KHDC4: variants seen among roughly 807,000 people sequenced by gnomAD.
KHDC4 encodes KH domain containing 4, pre-mRNA splicing factor, also known as KH homology domain-containing protein 4.
A neutral mutation model predicts 74.5 loss-of-function variants in KHDC4; 19 were observed. That is an observed-to-expected ratio of 0.26 (90% CI 0.18 to 0.37). The LOEUF is 0.37. Among genes scored for constraint, KHDC4 ranks in the 10% least tolerant of loss-of-function variants. The probability of loss-of-function intolerance (pLI) is 1.00; values close to 1 mark genes in which losing one functional copy is unlikely to be tolerated. For missense variants in KHDC4, 632 were observed against 754.1 expected, an observed-to-expected ratio of 0.84 and a Z score of 1.90; for synonymous variants, 253 against 266.1, an observed-to-expected ratio of 0.95 and a Z score of 0.48.
chr1:155,931,279 G>C (rs1674135176), intron 2 of KHDC4, among the ~76,000 whole-genome samples: 1 of 109,054 alleles, frequency 9.2e-6, no homozygotes, highest in Non-Finnish European at 1.8e-5. Context: ...AACAAAGCAA[G>C]ACTCTATCAC....
chr1:155,921,027 G>C (rs1258218471), intron 10 of KHDC4, among the ~76,000 whole-genome samples: 1 of 152,088 alleles, frequency 6.6e-6, no homozygotes, highest in Non-Finnish European at 1.5e-5. Context: ...ATTATCCACG[G>C]GCTGCTTCTG....
In KHDC4 at chr1:155,917,625, G is replaced by A; in HGVS notation, c.1314C>T (p.Ala438=). The change falls in exon 11 of 14, where the codon GCC becomes GCT. Residue 438 remains alanine, a synonymous_variant. Coordinates refer to ENST00000368321, the MANE Select transcript of KHDC4 (RefSeq NM_014949.4). ...PFIPAAPVKT[A]LPAGPQPQPQ... is the part of the protein sequence containing the mutation. Reference sequence around the variant, plus strand: ...GCTGGGGCTGGGGGCCAGCAGGCAAGGCAGTTTTGACAGGAGCAGCAGGAA... The same window carrying A: ...GCTGGGGCTGGGGGCCAGCAGGCAAAGCAGTTTTGACAGGAGCAGCAGGAA... 6.2e-7 allele frequency: 1 copy of A among 1,602,670 alleles called. No homozygotes were observed. Among genetic ancestry groups the A allele is most frequent in the South Asian group, 1.1e-5 (1 of 90,252 alleles).
At chr1:155,929,479 G>A in intron 3 of KHDC4, 104 bp from the exon 4 acceptor site, 5 of 1,108,650 alleles carry the variant, frequency 4.5e-6, no homozygotes, top group Non-Finnish European at 6.7e-6. Flanking sequence ...AAGAAGGAAA[G>A]AATTCTCTCC....
intron 10 of KHDC4, chr1:155,919,938 C>T (rs778682155): frequency 2.0e-6 from 1 of 510,852 alleles, no homozygotes; most frequent in Admixed American, 2.0e-5. Context: ...GTGCTCACAG[C>T]CCACAGGTAA....
In KHDC4 at chr1:155,929,869, G is replaced by GT. The variant is rs576860637; in HGVS notation, c.256-30dup. On this transcript the variant is annotated intron_variant, in intron 2 of 13. Coordinates refer to ENST00000368321, the MANE Select transcript of KHDC4 (RefSeq NM_014949.4). ...GAAAAAAGAGAAATTAGATTAAAAA[G>GT]TTTTTATGATGAGATAAAGTCTATT... The GT allele has an allele frequency of 5.5e-5, 82 of 1,499,102 alleles. 1 individual carries two copies. The highest frequency in any genetic ancestry group is 7.0e-5 in the Non-Finnish European group (78 of 1,120,930). 92.9% of individuals were successfully genotyped at this position (1,499,102 alleles called of 1,614,324 possible). A position where few individuals can be genotyped will look rare whatever the true frequency, so the allele number is the denominator to read the frequency against.
intron 4 of KHDC4, among the ~76,000 whole-genome samples, chr1:155,928,671 T>A (rs1674076876): frequency 6.9e-6 from 1 of 145,196 alleles, no homozygotes; most frequent in Non-Finnish European, 1.5e-5. Flanking sequence ...GTATATACAA[T>A]GCCGGGCGTG....
In KHDC4 at chr1:155,913,841, G is replaced by A. The variant is rs1238913895; in HGVS notation, c.*280C>T. On this transcript the variant is annotated 3_prime_UTR_variant, in exon 14 of 14. Coordinates refer to ENST00000368321, the MANE Select transcript of KHDC4 (RefSeq NM_014949.4). ...GTCAAATGTGTATGGGAACGACCCT[G>A]TTAGGATGCTTTGTTGGACAAGCAC... 2.3e-6 allele frequency: 1 copy of A among 430,068 alleles called. No individual in the cohort carries two copies. The highest frequency in any genetic ancestry group is 4.2e-6 in the Non-Finnish European group (1 of 235,560). 26.6% of individuals were successfully genotyped at this position (430,068 alleles called of 1,614,324 possible).
intron 12 of KHDC4, among the ~76,000 whole-genome samples, 184 bp downstream of exon 12, chr1:155,916,441 C>T (rs1161148835): frequency 1.3e-5 from 2 of 152,218 alleles, no homozygotes; most frequent in Non-Finnish European, 1.5e-5. Flanking sequence ...ATAACTGCTT[C>T]TAAATCTGTA....
Position 155,925,840 on chromosome 1 carries a change from G to A in KHDC4, c.685C>T (p.His229Tyr). 6.2e-7 allele frequency: 1 copy of A among 1,602,906 alleles called. No homozygotes were observed. Among genetic ancestry groups the A allele is most frequent in the Non-Finnish European group, 8.5e-7 (1 of 1,169,904 alleles). Residue 229 changes from histidine to tyrosine, a missense_variant, in exon 7 of 14, where the codon CAT becomes TAT. Coordinates refer to ENST00000368321, the MANE Select transcript of KHDC4 (RefSeq NM_014949.4). ...ACAAATAATTTATCTTGAACATAAT[G>A]CATCTGTAGGAAGAACAGAATACTT... ...SQKPPFQSGM[H>Y]YVQDKLFVGL...
At chr1:155,916,487 A>G (rs2102596719) in intron 12 of KHDC4, 138 bp downstream of exon 12, 2 of 663,108 alleles carry the variant, frequency 3.0e-6, no homozygotes, top group East Asian at 5.2e-5. Context: ...TGCATCAATT[A>G]CAACAAACAG....
intron 10 of KHDC4, among the ~76,000 whole-genome samples, chr1:155,920,273 T>C (rs1426910333): frequency 6.6e-6 from 1 of 151,646 alleles, no homozygotes; most frequent in Non-Finnish European, 1.5e-5. Context: ...CCGTCTCTAC[T>C]AAAAATACAA....
chr1:155,923,065 C>T (rs1235594625), intron 8 of KHDC4, among the ~76,000 whole-genome samples: 3 of 151,716 alleles, frequency 2.0e-5, no homozygotes, highest in Admixed American at 6.6e-5. Flanking sequence ...AGTAGCCGGG[C>T]GTAGTGGCGG....
chr1:155,916,011 C>T, intron 12 of KHDC4, 47 bp from the exon 13 acceptor site: 1 of 1,226,372 alleles, frequency 8.2e-7, no homozygotes, highest in Non-Finnish European at 1.2e-6. Flanking sequence ...TTTAAATTTT[C>T]TTAACTTATC....
intron 7 of KHDC4, 86 bp from the exon 8 acceptor site, chr1:155,923,773 A>AT: frequency 1.0e-6 from 1 of 994,862 alleles, no homozygotes; most frequent in Non-Finnish European, 1.6e-6. Flanking sequence ...GCTATTTTAC[A>AT]TATCTACATT....
chr1:155,933,591 T>C (rs1411841271), intron 2 of KHDC4, 42 bp downstream of exon 2: 2 of 1,512,422 alleles, frequency 1.3e-6, no homozygotes, highest in Non-Finnish European at 1.8e-6. Context: ...GCAAAACAAC[T>C]ATTAAATTCG....
chr1:155,933,465 C>T (rs2102611802), intron 2 of KHDC4, 168 bp downstream of exon 2: 2 of 503,474 alleles, frequency 4.0e-6, no homozygotes, highest in East Asian at 6.6e-5. Flanking sequence ...TTTGTATTTT[C>T]AGTAGAGACG....
chr1:155,918,257 G>A (rs2102597897), intron 10 of KHDC4, among the ~76,000 whole-genome samples: 1 of 152,310 alleles, frequency 6.6e-6, no homozygotes, highest in East Asian at 1.9e-4. Flanking sequence ...TTTTGAGACA[G>A]AGTCTCAGTC....
In KHDC4 at chr1:155,934,397, C is replaced by T; in HGVS notation, c.-24G>A. 6.2e-7 allele frequency: 1 copy of T among 1,611,322 alleles called. No individual in the cohort carries two copies. The highest frequency in any genetic ancestry group is 8.5e-7 in the Non-Finnish European group (1 of 1,179,488). On this transcript the variant is annotated 5_prime_UTR_variant, in exon 1 of 14. Transcript: ENST00000368321. ...ATGGCGACCGCTTCTACTCAACCAC[C>T]CGCCAACTATCCGACTACCACCTCT...
intron 6 of KHDC4, 28 bp downstream of exon 6, chr1:155,926,648 C>T (rs749570381): frequency 6.6e-5 from 106 of 1,608,876 alleles, no homozygotes; most frequent in Non-Finnish European, 8.7e-5. Context: ...AATGATAATG[C>T]TATTAACGAT....
Sources: allele counts gnomAD v4.1 joint callset (sites outside exome capture counted in the v4.1 genomes callset), GRCh38; gene constraint gnomAD v4.1.1; transcripts MANE v1.5; gene names NCBI Gene and HGNC (gene_info 2026-07-23, HGNC 2026-07-21).